The following CSMD1 variants were observed in gnomAD, a reference collection of about 807,000 sequenced individuals.
The protein encoded by CSMD1 is CUB and Sushi multiple domains 1, also known as CUB and sushi domain-containing protein 1.
A neutral mutation model predicts 417.5 loss-of-function variants in CSMD1; 213 were observed. That is an observed-to-expected ratio of 0.51 (90% CI 0.46 to 0.57). CSMD1 has a LOEUF of 0.57. Among genes scored for constraint, CSMD1 ranks in the 20% least tolerant of loss-of-function variants. The pLI, the probability that CSMD1 is intolerant of heterozygous loss-of-function variation, is 0.00. For synonymous variants in CSMD1, 2,862 were observed against 1,736.8 expected, an observed-to-expected ratio of 1.65 and a Z score of -16.11; for missense variants, 6,923 against 4,529.7, an observed-to-expected ratio of 1.53 and a Z score of -15.17.
intron 3 of CSMD1, among the ~76,000 whole-genome samples, chr8:4,418,826 T>G (rs1480577676): frequency 1.3e-5 from 2 of 152,172 alleles, no homozygotes; most frequent in African/African-American, 4.8e-5. Flanking sequence ...GATAGACCCT[T>G]TCCAGCCACT....
Position 4,051,308 on chromosome 8 carries a change from CA to C in CSMD1, c.416-19210del, listed in dbSNP as rs5889012. Among the ~76,000 whole-genome samples the C allele has an allele frequency of 9.4e-4, 132 of 140,484 alleles. 1 individual carries two copies. The highest frequency in any genetic ancestry group is 2.1e-3 in the African/African-American group (77 of 36,512). The allele number at this position is 140,484 out of a possible 152,430, so 92.2% of individuals were successfully genotyped here. Reference sequence around the variant, plus strand: ...AAAGCTCATCTAAGTTTTGAAGACTCAAAAAAAAAAAAAAGATATGTACAAG... The same window carrying C: ...AAAGCTCATCTAAGTTTTGAAGACTCAAAAAAAAAAAAAGATATGTACAAG... On this transcript the variant is annotated intron_variant, in intron 3 of 69. Transcript: ENST00000635120.
chr8:4,040,802 A>G (rs1797847664), intron 3 of CSMD1, among the ~76,000 whole-genome samples: 2 of 152,180 alleles, frequency 1.3e-5, no homozygotes, highest in Non-Finnish European at 2.9e-5. Flanking sequence ...TTTTCAAAAG[A>G]TTTTTAATAG....
intron 5 of CSMD1, among the ~76,000 whole-genome samples, chr8:3,993,788 C>G (rs926984531): frequency 6.6e-6 from 1 of 152,146 alleles, no homozygotes; most frequent in Admixed American, 6.5e-5. Flanking sequence ...GGAGGGAGAT[C>G]ACACAACCTG....
At chr8:4,666,876 C>A (rs190781658) in intron 1 of CSMD1, among the ~76,000 whole-genome samples, 1 of 151,860 alleles carries the variant, frequency 6.6e-6, no homozygotes, top group Non-Finnish European at 1.5e-5. Context: ...TATCAAACTC[C>A]TATTTTAGTG....
chr8:3,275,717 G>A (rs533772454), intron 26 of CSMD1, among the ~76,000 whole-genome samples: 11 of 152,122 alleles, frequency 7.2e-5, no homozygotes, highest in South Asian at 2.1e-4. Flanking sequence ...CCAGTTGATC[G>A]CATCGGCTCC....
In CSMD1 at chr8:4,101,831, C is replaced by G. The variant is rs942980679; in HGVS notation, c.416-69732G>C. On this transcript the variant is annotated intron_variant, in intron 3 of 69. Coordinates refer to ENST00000635120, the MANE Select transcript of CSMD1 (RefSeq NM_033225.6). Reference sequence around the variant, plus strand: ...TGAACGGAGAATTACTCACTCCGCACATCTCTGAATTGAATCTGAAAATTC... The same window carrying G: ...TGAACGGAGAATTACTCACTCCGCAGATCTCTGAATTGAATCTGAAAATTC... 1.6e-3 allele frequency among the ~76,000 whole-genome samples: 4 copies of G among 2,490 alleles called. No individual in the cohort carries two copies. The Admixed American group carries it at 0.041, about 25-fold the overall frequency. The allele number at this position is 2,490 out of a possible 152,430, so 1.6% of individuals were successfully genotyped here.
intron 5 of CSMD1, among the ~76,000 whole-genome samples, chr8:3,983,873 G>A (rs1006441293): frequency 6.6e-6 from 1 of 151,688 alleles, no homozygotes; most frequent in Non-Finnish European, 1.5e-5. Context: ...GCACACAGCA[G>A]ATCTAATGGG....
At chr8:3,319,415 T>C (rs549597734) in intron 23 of CSMD1, among the ~76,000 whole-genome samples, 46 of 152,260 alleles carry the variant, frequency 3.0e-4, no homozygotes, top group African/African-American at 1.0e-3. Context: ...TTAAACATAA[T>C]TGAAAACAGA....
chr8:4,809,990 G>C lies in CSMD1; in HGVS notation c.86-172432C>G, dbSNP rs577272913. On this transcript the variant is annotated intron_variant, in intron 1 of 69. Coordinates refer to ENST00000635120, the MANE Select transcript of CSMD1 (RefSeq NM_033225.6). ...AACGGGGTAATTACAGTATTGTCAG[G>C]AATATCAAGTGAATATATGCCAAGT... 7.2e-5 allele frequency among the ~76,000 whole-genome samples: 11 copies of C among 152,210 alleles called. No homozygotes were observed. In the South Asian group the frequency reaches 1.9e-3, roughly 26 times the overall value.
intron 3 of CSMD1, among the ~76,000 whole-genome samples, chr8:4,208,969 A>G (rs1218223923): frequency 5.9e-5 from 9 of 152,208 alleles, no homozygotes; most frequent in African/African-American, 2.4e-5. Context: ...TTTAGAGCTG[A>G]AAAACCTACC....
chr8:3,039,200 G>A (rs373028160), intron 50 of CSMD1, among the ~76,000 whole-genome samples: 4 of 148,022 alleles, frequency 2.7e-5, no homozygotes, highest in African/African-American at 5.3e-5. Context: ...AGAGTGAAGG[G>A]TCCTGAATTT....
At chr8:3,748,537 C>G (rs1797167338) in intron 6 of CSMD1, among the ~76,000 whole-genome samples, 2 of 152,158 alleles carry the variant, frequency 1.3e-5, no homozygotes, top group Admixed American at 6.5e-5. Flanking sequence ...TTTCCAGGTT[C>G]TAGATAATGG....
At chr8:4,492,159 C>T (rs762577089) in intron 2 of CSMD1, among the ~76,000 whole-genome samples, 4 of 152,128 alleles carry the variant, frequency 2.6e-5, no homozygotes, top group Non-Finnish European at 5.9e-5. Flanking sequence ...CACAGGAGTG[C>T]GATCATAGTT....
At chr8:3,931,826 G>C (rs1430750842) in intron 5 of CSMD1, among the ~76,000 whole-genome samples, 2 of 147,834 alleles carry the variant, frequency 1.4e-5, no homozygotes, top group Non-Finnish European at 3.0e-5. Flanking sequence ...TATTCAAGCA[G>C]AGGACTGGGC....
At chr8:3,691,019 T>G (rs1165103184) in intron 7 of CSMD1, among the ~76,000 whole-genome samples, 1 of 152,126 alleles carries the variant, frequency 6.6e-6, no homozygotes, top group Non-Finnish European at 1.5e-5. Flanking sequence ...ATCTTTACCC[T>G]GGTACTAAAG....
chr8:4,912,138 A>AAAAG (rs200206152), intron 1 of CSMD1, among the ~76,000 whole-genome samples: 18 of 131,388 alleles, frequency 1.4e-4, no homozygotes, highest in African/African-American at 5.0e-4. Flanking sequence ...AAAAAAAAAA[A>AAAAG]AAAGAAAGAA....
chr8:4,304,906 G>C (rs1280013827), intron 3 of CSMD1, among the ~76,000 whole-genome samples: 2 of 152,062 alleles, frequency 1.3e-5, no homozygotes, highest in African/African-American at 2.4e-5. Flanking sequence ...TATATATTAA[G>C]GTGTAACGAT....
At chr8:4,281,593 G>T (rs867150433) in intron 3 of CSMD1, among the ~76,000 whole-genome samples, 1 of 152,052 alleles carries the variant, frequency 6.6e-6, no homozygotes, top group Non-Finnish European at 1.5e-5. Context: ...TTGAATCTAA[G>T]AAGTATGTAT....
At chr8:3,573,125 T>G (rs900609770) in intron 10 of CSMD1, among the ~76,000 whole-genome samples, 12 of 152,216 alleles carry the variant, frequency 7.9e-5, no homozygotes, top group African/African-American at 2.7e-4. Context: ...TGCTTGTTTC[T>G]GTTACACTAC....
Sources: allele counts gnomAD v4.1 joint callset (sites outside exome capture counted in the v4.1 genomes callset), GRCh38; gene constraint gnomAD v4.1.1; transcripts MANE v1.5; gene names NCBI Gene and HGNC (gene_info 2026-07-23, HGNC 2026-07-21).